Variants in NACC2 observed in about 807,000 individuals in gnomAD.
NACC2 encodes NACC family member 2, also known as nucleus accumbens-associated protein 2.
NACC2 carries 8 observed loss-of-function variants against 25.1 expected under a neutral mutation model. The ratio of observed to expected loss-of-function variants is 0.32; its 90% CI spans 0.19 to 0.57. The LOEUF (loss-of-function observed/expected upper bound fraction) is 0.57. Ranked by LOEUF, NACC2 falls within the 20% of genes least tolerant of loss-of-function variation. The probability of loss-of-function intolerance (pLI) is 0.89; values close to 1 mark genes in which losing one functional copy is unlikely to be tolerated. For missense variants in NACC2, 644 were observed against 650.2 expected, an observed-to-expected ratio of 0.99 and a Z score of 0.10; for synonymous variants, 435 against 294.7, an observed-to-expected ratio of 1.48 and a Z score of -4.88.
At chr9:136,092,026 A>T (rs114459358) in intron 1 of NACC2, among the ~76,000 whole-genome samples, 2,474 of 152,238 alleles carry the variant, frequency 0.016, 79 homozygotes, top group African/African-American at 0.057. Context: ...TGAAAGGGAA[A>T]CGAGATCCAC....
intron 1 of NACC2, among the ~76,000 whole-genome samples, chr9:136,056,431 C>T (rs1034073199): frequency 6.6e-6 from 1 of 152,212 alleles, no homozygotes; most frequent in East Asian, 1.9e-4. Flanking sequence ...AAACTGAGAC[C>T]TCACAGTCGG....
chr9:136,016,650 C>T lies in NACC2; in HGVS notation c.887-221G>A, dbSNP rs905036161. ...GTGCCCTCTTGCCCACCTAGTCCTG[C>T]CCTCACAGGGAAGCTCTTGTGAACG... On this transcript the variant is annotated intron_variant, in intron 2 of 5. Coordinates refer to ENST00000277554, the MANE Select transcript of NACC2 (RefSeq NM_144653.5). Among the ~76,000 whole-genome samples, 6 of 152,152 alleles carry T rather than the reference C, an allele frequency of 3.9e-5. No individual in the cohort carries two copies. In the East Asian group the frequency reaches 1.2e-3, roughly 29 times the overall value.
chr9:136,032,550 GA>G (rs1318307388), intron 2 of NACC2, among the ~76,000 whole-genome samples: 10 of 152,174 alleles, frequency 6.6e-5, no homozygotes, highest in African/African-American at 2.4e-4. Flanking sequence ...CCAGTTCAAT[GA>G]GGCAAGAAAG....
chr9:136,093,370 G>A (rs1411395485), intron 1 of NACC2, among the ~76,000 whole-genome samples: 1 of 152,220 alleles, frequency 6.6e-6, no homozygotes, highest in South Asian at 2.1e-4. Context: ...CCAGGGCAGA[G>A]CAGCCCTGCG....
At chr9:136,036,643 G>T (rs997353198) in intron 2 of NACC2, among the ~76,000 whole-genome samples, 1 of 152,036 alleles carries the variant, frequency 6.6e-6, no homozygotes, top group South Asian at 2.1e-4. Flanking sequence ...GGGAGAAATG[G>T]AAAGTATAAA....
intron 2 of NACC2, among the ~76,000 whole-genome samples, chr9:136,039,716 G>C (rs1192963222): frequency 2.0e-5 from 3 of 152,032 alleles, no homozygotes; most frequent in Admixed American, 2.0e-4. Flanking sequence ...ACAAAACTAA[G>C]AACACCCACA....
chr9:136,047,716 C>T (rs901501024), intron 2 of NACC2, among the ~76,000 whole-genome samples: 2 of 152,082 alleles, frequency 1.3e-5, no homozygotes, highest in African/African-American at 2.4e-5. Context: ...AACACACATC[C>T]GGGACTCCAC....
At chr9:136,074,937 C>T (rs892616413) in intron 1 of NACC2, among the ~76,000 whole-genome samples, 1 of 152,246 alleles carries the variant, frequency 6.6e-6, no homozygotes, top group African/African-American at 2.4e-5. Flanking sequence ...GCACGGCCTC[C>T]TTCTGGGAGC....
chr9:136,043,611 T>C (rs920875825), intron 2 of NACC2, among the ~76,000 whole-genome samples: 1 of 152,194 alleles, frequency 6.6e-6, no homozygotes, highest in African/African-American at 2.4e-5. Context: ...CGCTGCACGG[T>C]CTCACGCACA....
At chr9:136,078,148 TAG>T (rs1478236490) in intron 1 of NACC2, among the ~76,000 whole-genome samples, 2 of 152,130 alleles carry the variant, frequency 1.3e-5, no homozygotes, top group Admixed American at 6.5e-5. Flanking sequence ...GACACAGTGG[TAG>T]AGAGTGGGAT....
intron 2 of NACC2, among the ~76,000 whole-genome samples, chr9:136,040,503 G>A (rs1297518894): frequency 6.6e-6 from 1 of 152,164 alleles, no homozygotes. Context: ...CTACTCCTAG[G>A]TATGTAGGCA....
chr9:136,073,195 G>A (rs113069509), intron 1 of NACC2, among the ~76,000 whole-genome samples: 10 of 152,128 alleles, frequency 6.6e-5, no homozygotes, highest in African/African-American at 2.4e-4. Context: ...CGGGAGGCTG[G>A]GGTGGGAGGA....
At chr9:136,046,173 C>A (rs1840721104) in intron 2 of NACC2, among the ~76,000 whole-genome samples, 1 of 152,236 alleles carries the variant, frequency 6.6e-6, no homozygotes, top group African/African-American at 2.4e-5. Flanking sequence ...CTGACTCACC[C>A]CCGTGGTGGG....
At chr9:136,041,193 A>C (rs1389492620) in intron 2 of NACC2, among the ~76,000 whole-genome samples, 2 of 152,196 alleles carry the variant, frequency 1.3e-5, no homozygotes, top group African/African-American at 4.8e-5. Context: ...AGGCCAAGAC[A>C]GGCAGATCAC....
chr9:136,024,914 G>T (rs984528185), intron 2 of NACC2, among the ~76,000 whole-genome samples: 8 of 152,196 alleles, frequency 5.3e-5, no homozygotes, highest in Non-Finnish European at 1.0e-4. Flanking sequence ...GAGCCTCGGG[G>T]CCCAGGATCC....
intron 1 of NACC2, among the ~76,000 whole-genome samples, chr9:136,070,240 G>T (rs1841133398): frequency 6.6e-6 from 1 of 151,918 alleles, no homozygotes. Context: ...GGGCGTGGTG[G>T]CTCACGCCTG....
chr9:136,011,930 G>C lies in NACC2; in HGVS notation c.1350C>G (p.Arg450=), dbSNP rs766335400. The C allele has an allele frequency of 3.1e-6, 5 of 1,600,624 alleles. No homozygotes were observed. The highest frequency in any genetic ancestry group is 4.5e-5 in the East Asian group (2 of 44,178). The part of the protein sequence containing the change: ...MCTNARRVRK[R]WLPKIKSMLP... ...GCATGGACTTGATCTTGGGCAGCCA[G>C]CGCTTGCGAACGCGGCGGGCGTTGG... Residue 450 remains arginine, a synonymous_variant, in exon 6 of 6, where the codon CGC becomes CGG. Coordinates refer to ENST00000277554, the MANE Select transcript of NACC2 (RefSeq NM_144653.5).
chr9:136,069,888 A>G (rs1364919982), intron 1 of NACC2, among the ~76,000 whole-genome samples: 1 of 151,908 alleles, frequency 6.6e-6, no homozygotes, highest in South Asian at 2.1e-4. Flanking sequence ...AGCCTTCTCT[A>G]AACAAGGATA....
At position 136,022,238 on chromosome 9, in the gene NACC2, C is replaced by A. The variant is rs567544617; in HGVS notation, c.887-5809G>T. 6.6e-5 allele frequency among the ~76,000 whole-genome samples: 10 copies of A among 152,342 alleles called. No individual in the cohort carries two copies. In the South Asian group the frequency reaches 1.7e-3, roughly 25 times the overall value. ...GGTGAGGGGCAATGTGGGGGCACCA[C>A]AGACGGGTGACCAGGCCCGGGTGAT... On this transcript the variant is annotated intron_variant, in intron 2 of 5. Transcript: ENST00000277554. The surrounding 1 kb of genome is among the most constrained non-coding windows in gnomAD (Gnocchi z 4.4).
Sources: allele counts gnomAD v4.1 joint callset (sites outside exome capture counted in the v4.1 genomes callset), GRCh38; gene constraint gnomAD v4.1.1; non-coding constraint Gnocchi (gnomAD v3.1); transcripts MANE v1.5; gene names NCBI Gene and HGNC (gene_info 2026-07-23, HGNC 2026-07-21).